The following FAM13B variants were observed in gnomAD, a reference collection of about 807,000 sequenced individuals.
The protein encoded by FAM13B is protein FAM13B.
FAM13B carries 60 observed loss-of-function variants against 117.3 expected under a neutral mutation model. The observed-to-expected ratio is 0.51, with a 90% CI of 0.42 to 0.63. The LOEUF (loss-of-function observed/expected upper bound fraction) is 0.63, where lower values mean the gene tolerates loss of function less well. FAM13B is among the 30% of genes least tolerant of loss of function. The pLI, the probability that FAM13B is intolerant of heterozygous loss-of-function variation, is 0.00. For synonymous variants in FAM13B, 332 were observed against 356.1 expected (o/e 0.93, Z 0.76); for missense variants, 972 against 1,091.9 (o/e 0.89, Z 1.55).
upstream of FAM13B, among the ~76,000 whole-genome samples, chr5:138,035,045 C>CTCTG (rs1359317582): frequency 1.1e-5 from 1 of 94,160 alleles, no homozygotes; most frequent in Non-Finnish European, 1.9e-5. Context: ...CAAGGTCTTG[C>CTCTG]TCTGTCACTC....
chr5:137,956,671 C>G, intron 13 of FAM13B, 129 bp from the exon 14 acceptor site: 1 of 407,448 alleles, frequency 2.5e-6, no homozygotes, highest in Non-Finnish European at 4.2e-6. Context: ...GCATTCTGTT[C>G]AAAAACGTTA....
At chr5:138,025,179 A>C (rs1461657868) in intron 1 of FAM13B, among the ~76,000 whole-genome samples, 6 of 151,806 alleles carry the variant, frequency 4.0e-5, no homozygotes, top group Non-Finnish European at 7.4e-5. Context: ...AATTATTTTA[A>C]ATACAAGTGA....
At position 137,942,945 on chromosome 5, in the gene FAM13B, A is replaced by G; in HGVS notation, c.2518T>C (p.Ser840Pro). Residue 840 changes from serine (S) to proline (P), a missense_variant, in exon 22 of 24, where the codon TCT (serine) becomes CCT (proline). Physicochemically the swap from Ser to Pro is moderately conservative, Grantham distance 74 (BLOSUM62 -1). Transcript: ENST00000689681. Reference protein sequence around the residue: ...QVQSSLENSESDVEENQEKLA... With the variant: ...QVQSSLENSEPDVEENQEKLA... The stretch of plus-strand genomic sequence containing the variant: ...TTTTCTTGATTTTCTTCAACATCAG[A>G]TTCAGAGTTTTCTAATGAAGACTGT... 1.9e-6 allele frequency: 3 copies of G among 1,613,790 alleles called. No homozygotes were observed. The highest frequency in any genetic ancestry group is 2.5e-6 in the Non-Finnish European group (3 of 1,179,920).
chr5:137,987,873 C>T (rs182411183), intron 8 of FAM13B, among the ~76,000 whole-genome samples: 1 of 152,180 alleles, frequency 6.6e-6, no homozygotes, highest in Non-Finnish European at 1.5e-5. Context: ...ATCAGTTGTC[C>T]CTATAATTCA....
At chr5:137,992,861 A>G (rs1206893805) in intron 7 of FAM13B, among the ~76,000 whole-genome samples, 1 of 152,240 alleles carries the variant, frequency 6.6e-6, no homozygotes, top group Non-Finnish European at 1.5e-5. Flanking sequence ...TAATGTCTTC[A>G]TCTGCATGCA....
intron 10 of FAM13B, among the ~76,000 whole-genome samples, chr5:137,982,948 T>C (rs543061043): frequency 1.6e-4 from 25 of 152,120 alleles, no homozygotes; most frequent in African/African-American, 5.5e-4. Context: ...GGGTGCCTAG[T>C]TGGATATAGC....
intron 18 of FAM13B, among the ~76,000 whole-genome samples, chr5:137,947,827 C>T (rs762747690): frequency 3.9e-5 from 6 of 152,048 alleles, no homozygotes; most frequent in Non-Finnish European, 7.4e-5. Flanking sequence ...TCAGGTGATC[C>T]ACCCACCTCG....
chr5:137,946,027 G>GTCA, intron 19 of FAM13B, 30 bp from the exon 20 acceptor site: 1 of 1,546,008 alleles, frequency 6.5e-7, no homozygotes, highest in Non-Finnish European at 8.9e-7. Context: ...AAATTGTCTA[G>GTCA]TCATCACAAA....
intron 7 of FAM13B, among the ~76,000 whole-genome samples, chr5:137,999,104 C>CTTT (rs397962950): frequency 6.4e-5 from 9 of 139,786 alleles, no homozygotes; most frequent in East Asian, 2.1e-4. Context: ...CCTTCAGGGT[C>CTTT]TTTTTTTTTT....
intron 18 of FAM13B, 135 bp from the exon 19 acceptor site, chr5:137,946,446 C>T: frequency 1.7e-6 from 1 of 603,522 alleles, no homozygotes; most frequent in Admixed American, 3.5e-5. Flanking sequence ...GATCAACAGT[C>T]TAGCCCAGGC....
At chr5:137,948,320 G>A (rs1763994095) in intron 18 of FAM13B, among the ~76,000 whole-genome samples, 2 of 152,190 alleles carry the variant, frequency 1.3e-5, no homozygotes, top group Non-Finnish European at 2.9e-5. Context: ...CCAACGTGGG[G>A]CATAAGCTAG....
intron 1 of FAM13B, among the ~76,000 whole-genome samples, chr5:138,047,382 T>C (rs1242927390): frequency 6.6e-6 from 1 of 150,774 alleles, no homozygotes; most frequent in African/African-American, 2.4e-5. Context: ...AGCACACGCC[T>C]GTAGTCCCAG....
At position 137,939,989 on chromosome 5, in the gene FAM13B, T is replaced by C; in HGVS notation, c.*236A>G. 1.3e-6 allele frequency: 2 copies of C among 1,572,072 alleles called. No individual in the cohort carries two copies. Among genetic ancestry groups the C allele is most frequent in the Non-Finnish European group, 1.7e-6 (2 of 1,159,834 alleles). ...GTACAAAACAATGAAGTAAACCATA[T>C]GTTTGCTAAAGGTGGAGAGGACAGT... On this transcript the variant is annotated 3_prime_UTR_variant, in exon 24 of 24. Transcript: ENST00000689681.
chr5:138,040,086 GA>G (rs898109464), intron 1 of FAM13B: 11 of 151,084 alleles, frequency 7.3e-5, no homozygotes, highest in Admixed American at 2.6e-4. Flanking sequence ...CCAACATAGT[GA>G]AACCCCATCT....
At chr5:138,022,602 C>T (rs186521095) in intron 1 of FAM13B, among the ~76,000 whole-genome samples, 180 of 152,240 alleles carry the variant, frequency 1.2e-3, no homozygotes, top group Non-Finnish European at 1.2e-3. Context: ...AGTTAATCTA[C>T]CTATCTATCC....
rs1208645647 is a variant in FAM13B at position 137,939,165 on chromosome 5, C to G, written c.*1060G>C. The G allele has an allele frequency of 6.6e-6, 1 of 152,018 alleles. No individual in the cohort carries two copies. The highest frequency in any genetic ancestry group is 1.5e-5 in the Non-Finnish European group (1 of 67,994). 9.4% of individuals were successfully genotyped at this position (152,018 alleles called of 1,614,324 possible). A position where few individuals can be genotyped will look rare whatever the true frequency, so the allele number is the denominator to read the frequency against. On this transcript the variant is annotated 3_prime_UTR_variant, in exon 24 of 24. Transcript: ENST00000689681. ...ATGTTATGATTGACCAAAGGGTGGT[C>G]CCTTAAGAGGGCGTTGTTGTCGTTG...
chr5:138,038,125 C>T (rs1472788696), intron 1 of FAM13B, among the ~76,000 whole-genome samples: 1 of 152,140 alleles, frequency 6.6e-6, no homozygotes, highest in African/African-American at 2.4e-5. Context: ...GAATGAGGCC[C>T]AGTGTGAACA....
intron 13 of FAM13B, among the ~76,000 whole-genome samples, chr5:137,957,422 C>T (rs954051848): frequency 3.3e-5 from 5 of 151,780 alleles, no homozygotes; most frequent in East Asian, 1.9e-4. Flanking sequence ...TGTCTGTAAT[C>T]CCAGCTACTC....
chr5:137,946,514 A>G (rs1314151532), intron 18 of FAM13B: 2 of 478,816 alleles, frequency 4.2e-6, no homozygotes, highest in Admixed American at 3.9e-5. Context: ...TGCTCTTATA[A>G]TAAGTAGGTA....
Sources: gnomAD v4.1 joint callset for allele counts (sites outside exome capture counted in the v4.1 genomes callset) on GRCh38, gnomAD v4.1.1 for gene constraint, MANE v1.5 for transcripts, NCBI Gene and HGNC (gene_info 2026-07-23, HGNC 2026-07-21) for gene names.